NCKAP1: variants seen among roughly 807,000 people sequenced by gnomAD.
The protein encoded by NCKAP1 is nck-associated protein 1.
NCKAP1 carries 21 observed loss-of-function variants against 151.2 expected under a neutral mutation model. That is an observed-to-expected ratio of 0.14 (90% CI 0.10 to 0.20). The LOEUF is 0.20. Among genes scored for constraint, NCKAP1 ranks in the 10% least tolerant of loss-of-function variants. The pLI is 1.00. For synonymous variants in NCKAP1, 484 were observed against 451.8 expected (o/e 1.07, Z -0.90); for missense variants, 933 against 1,352.1 (o/e 0.69, Z 4.86).
In NCKAP1 at chr2:182,924,316, CT is replaced by C. The variant is rs1156487513; in HGVS notation, c.*1385del. 2 of 152,174 alleles carry C rather than the reference CT, an allele frequency of 1.3e-5. No homozygotes were observed. The highest frequency in any genetic ancestry group is 4.8e-5 in the African/African-American group (2 of 41,444). 9.4% of individuals were successfully genotyped at this position (152,174 alleles called of 1,614,324 possible). On this transcript the variant is annotated 3_prime_UTR_variant, in exon 31 of 31. Coordinates refer to ENST00000361354, the MANE Select transcript of NCKAP1 (RefSeq NM_013436.5). Reference sequence around the variant, plus strand: ...TTATAACTGAGTTCACAGCAGCCTTCTTTTATCTTAACACAAGTTACCAGTG... The same window carrying C: ...TTATAACTGAGTTCACAGCAGCCTTCTTTATCTTAACACAAGTTACCAGTG...
intron 24 of NCKAP1, among the ~76,000 whole-genome samples, chr2:182,937,879 G>GT (rs1308080308): frequency 6.6e-6 from 1 of 152,000 alleles, no homozygotes; most frequent in East Asian, 1.9e-4. Flanking sequence ...AAAACATCAG[G>GT]TTTTTTCTCC....
chr2:182,939,214 C>G (rs1319292168), intron 24 of NCKAP1, among the ~76,000 whole-genome samples: 1 of 151,912 alleles, frequency 6.6e-6, no homozygotes, highest in Non-Finnish European at 1.5e-5. Context: ...GGAGATTTGC[C>G]CAAGTCACAT....
chr2:182,997,952 C>T (rs1698301425), intron 6 of NCKAP1, among the ~76,000 whole-genome samples: 1 of 152,296 alleles, frequency 6.6e-6, no homozygotes, highest in African/African-American at 2.4e-5. Flanking sequence ...AAACCACATC[C>T]AGCAGGACAT....
At chr2:182,956,032 T>G (rs951609356) in intron 20 of NCKAP1, among the ~76,000 whole-genome samples, 1 of 152,124 alleles carries the variant, frequency 6.6e-6, no homozygotes, top group African/African-American at 2.4e-5. Context: ...AGTTCACTAT[T>G]CTTTGCATTT....
Position 182,930,749 on chromosome 2 carries a change from A to C in NCKAP1, c.2899T>G (p.Leu967Val). The C allele has an allele frequency of 1.9e-6, 3 of 1,613,522 alleles. No individual in the cohort carries two copies. In the South Asian group the frequency reaches 3.3e-5, roughly 18 times the overall value. ...AATGCAGGATCAATCTCACAAGGTA[A>C]TCCGGCAGCTGATGATAACTCATAC... ...NVYELSSAAG[L>V]PCEIDPALVV... The change falls in exon 27 of 31, where the codon TTA becomes GTA. Residue 967 changes from leucine to valine, a missense_variant. Coordinates refer to ENST00000361354, the MANE Select transcript of NCKAP1 (RefSeq NM_013436.5).
chr2:182,957,223 G>C, intron 19 of NCKAP1: 1 of 381,942 alleles, frequency 2.6e-6, no homozygotes. Flanking sequence ...TCAGTACTTA[G>C]TATAAAAAGA....
chr2:182,961,292 T>C (rs944572678), intron 18 of NCKAP1, among the ~76,000 whole-genome samples: 62 of 152,326 alleles, frequency 4.1e-4, no homozygotes, highest in African/African-American at 9.9e-4. Context: ...CGTATGTCTA[T>C]TGCAGCACTA....
chr2:182,948,110 T>C (rs1212613216), intron 23 of NCKAP1, among the ~76,000 whole-genome samples: 1 of 151,872 alleles, frequency 6.6e-6, no homozygotes, highest in Non-Finnish European at 1.5e-5. Flanking sequence ...AGGCACAATA[T>C]TAAAAATATA....
intron 19 of NCKAP1, 30 bp from the exon 20 acceptor site, chr2:182,956,623 T>A: frequency 6.3e-7 from 1 of 1,583,006 alleles, no homozygotes; most frequent in Non-Finnish European, 8.6e-7. Flanking sequence ...AGTTAAAATG[T>A]TCACATGTCA....
intron 8 of NCKAP1, among the ~76,000 whole-genome samples, chr2:182,993,870 A>G (rs1250556171): frequency 6.6e-6 from 1 of 152,234 alleles, no homozygotes; most frequent in Non-Finnish European, 1.5e-5. Flanking sequence ...TTTAAATAAA[A>G]TCTCTTTTGA....
chr2:182,979,940 T>G (rs1240908869), intron 13 of NCKAP1, among the ~76,000 whole-genome samples: 4 of 152,100 alleles, frequency 2.6e-5, no homozygotes, highest in Non-Finnish European at 1.5e-5. Context: ...ATTACTAATA[T>G]CAGTATGATT....
At chr2:182,970,110 C>A (rs148881917) in intron 15 of NCKAP1, among the ~76,000 whole-genome samples, 6 of 152,198 alleles carry the variant, frequency 3.9e-5, no homozygotes, top group African/African-American at 1.4e-4. Context: ...GAGATAGAAG[C>A]AGTAATAAAA....
intron 2 of NCKAP1, among the ~76,000 whole-genome samples, chr2:183,007,983 A>G (rs755396784): frequency 9.9e-5 from 15 of 152,028 alleles, no homozygotes; most frequent in Non-Finnish European, 1.5e-4. Context: ...CTGGAGTGCA[A>G]TGGCACAATC....
rs547657150 is a variant in NCKAP1 at position 182,912,667 on chromosome 2, T to C, written c.*13035A>G. The C allele has an allele frequency of 6.6e-6, 1 of 152,336 alleles. No homozygotes were observed. Among genetic ancestry groups the C allele is most frequent in the Admixed American group, 6.5e-5 (1 of 15,300 alleles). 9.4% of individuals were successfully genotyped at this position (152,336 alleles called of 1,614,324 possible). ...CTAGTTAGCCATAATAAAAATGGAA[T>C]TTGAATGTTAGAGTGCAACCTGACA... is the stretch of plus-strand genomic sequence containing the variant. On this transcript the variant is annotated 3_prime_UTR_variant, in exon 31 of 31. Coordinates refer to ENST00000361354, the MANE Select transcript of NCKAP1 (RefSeq NM_013436.5).
At chr2:183,031,211 A>T (rs561463078) in intron 1 of NCKAP1, among the ~76,000 whole-genome samples, 1 of 152,168 alleles carries the variant, frequency 6.6e-6, no homozygotes, top group Admixed American at 6.5e-5. Context: ...TACACTTCAA[A>T]ATTAGTGATT....
chr2:183,017,936 T>C (rs1575067638), intron 2 of NCKAP1, among the ~76,000 whole-genome samples: 1 of 152,252 alleles, frequency 6.6e-6, no homozygotes, highest in East Asian at 1.9e-4. Flanking sequence ...ATTGGTATTA[T>C]CACCATTTTA....
chr2:183,007,280 C>T (rs954196131), intron 2 of NCKAP1, among the ~76,000 whole-genome samples: 5 of 152,076 alleles, frequency 3.3e-5, no homozygotes, highest in Non-Finnish European at 7.4e-5. Context: ...GGTCATTATT[C>T]TAAATATTCA....
At chr2:183,032,741 C>A (rs1240836523) in intron 1 of NCKAP1, among the ~76,000 whole-genome samples, 1 of 152,146 alleles carries the variant, frequency 6.6e-6, no homozygotes, top group African/African-American at 2.4e-5. Context: ...ATAAACCTAT[C>A]TTTAATTGAA....
At chr2:183,013,912 T>C (rs2105886313) in intron 2 of NCKAP1, among the ~76,000 whole-genome samples, 1 of 152,224 alleles carries the variant, frequency 6.6e-6, no homozygotes, top group South Asian at 2.1e-4. Flanking sequence ...CACAGAATGC[T>C]CCTCCCCTAG....
Sources: allele counts gnomAD v4.1 joint callset (sites outside exome capture counted in the v4.1 genomes callset), GRCh38; gene constraint gnomAD v4.1.1; transcripts MANE v1.5; gene names NCBI Gene and HGNC (gene_info 2026-07-23, HGNC 2026-07-21).